Variants in EXOC6B observed in about 807,000 individuals in gnomAD.
The protein encoded by EXOC6B is exocyst complex component 6B.
Under a neutral mutation model 113.5 loss-of-function variants are expected in EXOC6B, and 54 were observed. The ratio of observed to expected loss-of-function variants is 0.48; its 90% CI spans 0.38 to 0.60. The LOEUF (loss-of-function observed/expected upper bound fraction) is 0.60, where lower values mean the gene tolerates loss of function less well. Among genes scored for constraint, EXOC6B ranks in the 20% least tolerant of loss-of-function variants. EXOC6B has a pLI of 0.00. For synonymous variants in EXOC6B, 357 were observed against 339.0 expected (o/e 1.05, Z -0.58); for missense variants, 797 against 977.5 (o/e 0.82, Z 2.46).
At chr2:72,663,322 A>G (rs1418027586) in intron 6 of EXOC6B, among the ~76,000 whole-genome samples, 1 of 152,230 alleles carries the variant, frequency 6.6e-6, no homozygotes, top group Admixed American at 6.5e-5. Flanking sequence ...AAGGAGACAG[A>G]ACTATGGTGA....
chr2:72,485,618 G>A (rs911926404), intron 16 of EXOC6B, among the ~76,000 whole-genome samples: 6 of 151,994 alleles, frequency 3.9e-5, no homozygotes, highest in Non-Finnish European at 5.9e-5. Flanking sequence ...TGAAACTCCT[G>A]GTTACGAATT....
intron 6 of EXOC6B, among the ~76,000 whole-genome samples, chr2:72,633,114 T>C (rs1193494631): frequency 7.2e-5 from 11 of 152,236 alleles, no homozygotes; most frequent in African/African-American, 2.4e-5. Context: ...TGACTCTTTT[T>C]ACCACTCATT....
chr2:72,595,279 ATATAGATATATATATC>A (rs1274397310), intron 6 of EXOC6B, among the ~76,000 whole-genome samples: 1 of 147,264 alleles, frequency 6.8e-6, no homozygotes, highest in Non-Finnish European at 1.5e-5. Flanking sequence ...ATATATAGAT[ATATAGATATATATATC>A]TATATATATA....
chr2:72,252,107 A>G (rs1235671215), intron 20 of EXOC6B, among the ~76,000 whole-genome samples: 1 of 152,162 alleles, frequency 6.6e-6, no homozygotes, highest in Non-Finnish European at 1.5e-5. Flanking sequence ...CACCACATAA[A>G]TGTTGCATTA....
intron 20 of EXOC6B, among the ~76,000 whole-genome samples, chr2:72,244,474 C>G (rs1682531750): frequency 6.6e-6 from 1 of 151,898 alleles, no homozygotes; most frequent in South Asian, 2.1e-4. Context: ...AATCAATAAT[C>G]TAAGCTGCCA....
intron 1 of EXOC6B, among the ~76,000 whole-genome samples, chr2:72,796,396 T>C (rs2105060684): frequency 6.8e-6 from 1 of 146,064 alleles, no homozygotes; most frequent in African/African-American, 2.6e-5. Context: ...GAGGTTGCAG[T>C]GAGCTGAAAT....
At chr2:72,811,402 T>C (rs1275826992) in intron 1 of EXOC6B, among the ~76,000 whole-genome samples, 2 of 152,168 alleles carry the variant, frequency 1.3e-5, no homozygotes, top group Non-Finnish European at 2.9e-5. Context: ...CTCACCAATA[T>C]GACACAGTAA....
intron 1 of EXOC6B, among the ~76,000 whole-genome samples, chr2:72,753,845 G>A (rs1018372594): frequency 1.3e-5 from 2 of 152,076 alleles, no homozygotes; most frequent in African/African-American, 2.4e-5. Flanking sequence ...CATCTTTCAA[G>A]GTTCAGCTCA....
chr2:72,393,375 T>A (rs1422185058), intron 18 of EXOC6B, among the ~76,000 whole-genome samples: 1 of 152,140 alleles, frequency 6.6e-6, no homozygotes, highest in African/African-American at 2.4e-5. Context: ...ATTACAGGCG[T>A]GAGTCACCAT....
chr2:72,376,454 G>A (rs943030271), intron 19 of EXOC6B, among the ~76,000 whole-genome samples: 1 of 152,010 alleles, frequency 6.6e-6, no homozygotes, highest in African/African-American at 2.4e-5. Context: ...TCTTCATTAT[G>A]TACTATACCT....
intron 15 of EXOC6B, among the ~76,000 whole-genome samples, chr2:72,494,345 G>C (rs970517481): frequency 6.6e-6 from 1 of 152,074 alleles, no homozygotes; most frequent in African/African-American, 2.4e-5. Flanking sequence ...CCAGGCAGGT[G>C]GGGGATGGAA....
At chr2:72,310,366 A>G (rs1427451977) in intron 20 of EXOC6B, among the ~76,000 whole-genome samples, 1 of 152,126 alleles carries the variant, frequency 6.6e-6, no homozygotes. Context: ...TGTGGCTTTG[A>G]TATGCATTTC....
intron 1 of EXOC6B, among the ~76,000 whole-genome samples, chr2:72,777,424 A>G (rs1683772390): frequency 6.6e-6 from 1 of 152,038 alleles, no homozygotes; most frequent in African/African-American, 2.4e-5. Flanking sequence ...TAAATTTTTT[A>G]AATGTTGAAA....
intron 8 of EXOC6B, among the ~76,000 whole-genome samples, chr2:72,556,641 C>T (rs753855327): frequency 2.2e-4 from 34 of 151,484 alleles, no homozygotes; most frequent in Non-Finnish European, 4.3e-4. Context: ...CTAAAGTCCC[C>T]TTATATACAA....
chr2:72,289,342 T>C (rs1685643899), intron 20 of EXOC6B, among the ~76,000 whole-genome samples: 1 of 152,168 alleles, frequency 6.6e-6, no homozygotes, highest in South Asian at 2.1e-4. Flanking sequence ...TTCTGTTCTA[T>C]AATAAAATGT....
At chr2:72,311,555 C>T (rs983412458) in intron 20 of EXOC6B, among the ~76,000 whole-genome samples, 3 of 151,886 alleles carry the variant, frequency 2.0e-5, no homozygotes, top group East Asian at 1.9e-4. Context: ...TAAGGAGTTA[C>T]GGGATTAGAT....
chr2:72,197,326 T>G lies in EXOC6B; in HGVS notation c.2197-13139A>C, dbSNP rs188841028. On this transcript the variant is annotated intron_variant, in intron 20 of 21. Coordinates refer to ENST00000272427, the MANE Select transcript of EXOC6B (RefSeq NM_015189.3). The stretch of plus-strand genomic sequence containing the variant: ...GAGTCAGGACTTGGACCCATGACAA[T>G]CTGACTCCCAAGCCTGATCTTTTCC... 2.3e-4 allele frequency among the ~76,000 whole-genome samples: 35 copies of G among 152,144 alleles called. 1 individual carries two copies. The highest frequency in any genetic ancestry group is 2.1e-3 in the Admixed American group (32 of 15,274).
intron 6 of EXOC6B, among the ~76,000 whole-genome samples, chr2:72,701,805 C>G (rs368902758): frequency 6.6e-6 from 1 of 152,182 alleles, no homozygotes; most frequent in East Asian, 1.9e-4. Context: ...TCTTAACCAT[C>G]AGCACTGCAA....
chr2:72,180,936 G>A (rs963146627), intron 21 of EXOC6B, among the ~76,000 whole-genome samples: 6 of 152,130 alleles, frequency 3.9e-5, no homozygotes, highest in Admixed American at 6.5e-5. Context: ...TCGGCTGGGC[G>A]CGGTAGCTCA....
Sources: gnomAD v4.1 joint callset for allele counts (sites outside exome capture counted in the v4.1 genomes callset) on GRCh38, gnomAD v4.1.1 for gene constraint, MANE v1.5 for transcripts, NCBI Gene and HGNC (gene_info 2026-07-23, HGNC 2026-07-21) for gene names.